DPYD: variants seen among roughly 807,000 people sequenced by gnomAD.
The protein encoded by DPYD is dihydropyrimidine dehydrogenase.
DPYD carries 109 observed loss-of-function variants against 116.2 expected under a neutral mutation model. That is an observed-to-expected ratio of 0.94 (90% CI 0.80 to 1.10). The LOEUF is 1.10. DPYD is among the 50% of genes least tolerant of loss of function. The pLI is 0.00. For missense variants in DPYD, 1,302 were observed against 1,254.5 expected (o/e 1.04, Z -0.57); for synonymous variants, 440 against 432.0 (o/e 1.02, Z -0.23).
chr1:97,185,346 G>C (rs1166148678), intron 20 of DPYD, among the ~76,000 whole-genome samples: 1 of 152,066 alleles, frequency 6.6e-6, no homozygotes, highest in African/African-American at 2.4e-5. Context: ...AAGGTGGCTG[G>C]AACATAGAAG....
intron 1 of DPYD, among the ~76,000 whole-genome samples, chr1:97,911,700 G>A (rs141953542): frequency 3.9e-5 from 6 of 152,180 alleles, no homozygotes; most frequent in Non-Finnish European, 8.8e-5. Context: ...TTGAGAATCT[G>A]GTCTGCCAGA....
chr1:97,818,446 A>T (rs1219957905), intron 3 of DPYD, among the ~76,000 whole-genome samples: 1 of 152,038 alleles, frequency 6.6e-6, no homozygotes, highest in Admixed American at 6.6e-5. Flanking sequence ...TCACCTTTGA[A>T]TTCTAATTCA....
intron 11 of DPYD, among the ~76,000 whole-genome samples, chr1:97,550,177 C>G (rs1339499331): frequency 6.6e-6 from 1 of 152,114 alleles, no homozygotes; most frequent in Non-Finnish European, 1.5e-5. Context: ...GAATTCAGGT[C>G]AATGGCTAAT....
At chr1:97,679,281 T>C (rs556089627) in intron 7 of DPYD, 99 bp from the exon 8 acceptor site, 80 of 635,260 alleles carry the variant, frequency 1.3e-4, no homozygotes, top group Non-Finnish European at 1.9e-4. Context: ...CCAAAAATTC[T>C]ATGAGATTCC....
intron 18 of DPYD, among the ~76,000 whole-genome samples, chr1:97,286,140 G>A (rs1396751374): frequency 6.6e-6 from 1 of 152,064 alleles, no homozygotes; most frequent in Non-Finnish European, 1.5e-5. Flanking sequence ...CTCAGCATTT[G>A]CTTGTCTGTA....
chr1:97,642,266 A>G (rs538117741), intron 8 of DPYD, among the ~76,000 whole-genome samples: 1 of 152,314 alleles, frequency 6.6e-6, no homozygotes, highest in South Asian at 2.1e-4. Flanking sequence ...GGAACTAAAA[A>G]AGAGTAAGTA....
At chr1:97,407,263 C>A (rs544866212) in intron 14 of DPYD, among the ~76,000 whole-genome samples, 1 of 152,148 alleles carries the variant, frequency 6.6e-6, no homozygotes, top group Non-Finnish European at 1.5e-5. Flanking sequence ...CAAAACCATA[C>A]ATTTAAGCAC....
At chr1:97,102,890 C>G (rs1366360580) in intron 20 of DPYD, among the ~76,000 whole-genome samples, 1 of 151,972 alleles carries the variant, frequency 6.6e-6, no homozygotes, top group Non-Finnish European at 1.5e-5. Flanking sequence ...ACTGTTTGAA[C>G]TCAATAAAAT....
chr1:97,186,740 T>C (rs1449221641), intron 20 of DPYD, among the ~76,000 whole-genome samples: 1 of 152,034 alleles, frequency 6.6e-6, no homozygotes, highest in Non-Finnish European at 1.5e-5. Context: ...TCCCAGCTAC[T>C]GGGGAGGCTC....
At chr1:97,313,424 AT>A (rs1263399711) in intron 16 of DPYD, among the ~76,000 whole-genome samples, 3 of 151,854 alleles carry the variant, frequency 2.0e-5, no homozygotes, top group Non-Finnish European at 4.4e-5. Flanking sequence ...GGGGAGACAA[AT>A]GCATACAACA....
chr1:97,402,734 T>C (rs1289320095), intron 14 of DPYD, among the ~76,000 whole-genome samples: 1 of 152,124 alleles, frequency 6.6e-6, no homozygotes, highest in Non-Finnish European at 1.5e-5. Context: ...AAATGTGATA[T>C]TAGCTGAAGG....
rs1557934619 is a variant in DPYD at position 97,752,865 on chromosome 1, T to A, written c.234-12386A>T. Among the ~76,000 whole-genome samples the A allele has an allele frequency of 2.0e-5, 3 of 152,190 alleles. No homozygotes were observed. In the South Asian group the frequency reaches 6.2e-4, roughly 32 times the overall value. ...ATTTCCTCCTCCAGTGAGAAAATGG[T>A]TGGGTTCCTCTGTCTTTGAGGTTAG... On this transcript the variant is annotated intron_variant, in intron 3 of 22. Transcript: ENST00000370192.
chr1:97,233,029 T>C (rs1485048244), intron 19 of DPYD, among the ~76,000 whole-genome samples: 1 of 152,198 alleles, frequency 6.6e-6, no homozygotes, highest in South Asian at 2.1e-4. Flanking sequence ...TTAAACTTTG[T>C]TTCTGCTAGC....
At chr1:97,566,437 G>A (rs1462665233) in intron 11 of DPYD, among the ~76,000 whole-genome samples, 1 of 152,064 alleles carries the variant, frequency 6.6e-6, no homozygotes, top group African/African-American at 2.4e-5. Flanking sequence ...TGTATCCAGT[G>A]TATTATACCG....
chr1:97,678,621 A>G (rs1045923445), intron 8 of DPYD, among the ~76,000 whole-genome samples: 1 of 152,210 alleles, frequency 6.6e-6, no homozygotes, highest in African/African-American at 2.4e-5. Context: ...TACACTGTCT[A>G]TGGGACTTTC....
At chr1:97,481,182 C>T (rs1019634771) in intron 13 of DPYD, among the ~76,000 whole-genome samples, 2 of 151,992 alleles carry the variant, frequency 1.3e-5, no homozygotes, top group Non-Finnish European at 2.9e-5. Context: ...TTTGAGAGGA[C>T]GCTCAACCTT....
chr1:97,399,668 C>T (rs1247098212), intron 14 of DPYD, among the ~76,000 whole-genome samples: 1 of 152,024 alleles, frequency 6.6e-6, no homozygotes, highest in African/African-American at 2.4e-5. Context: ...CTTCACATCC[C>T]TTGTAAGTTG....
chr1:97,734,792 T>A (rs1663830855), intron 4 of DPYD, among the ~76,000 whole-genome samples: 1 of 152,002 alleles, frequency 6.6e-6, no homozygotes, highest in Admixed American at 6.5e-5. Flanking sequence ...GCTTCTGTTT[T>A]AAGGGTCTCC....
At chr1:97,865,538 C>T (rs1671332446) in intron 2 of DPYD, among the ~76,000 whole-genome samples, 1 of 151,944 alleles carries the variant, frequency 6.6e-6, no homozygotes, top group South Asian at 2.1e-4. Context: ...AAGCCATCCT[C>T]CTTCACCCTC....
Sources: gnomAD v4.1 joint callset for allele counts (sites outside exome capture counted in the v4.1 genomes callset) on GRCh38, gnomAD v4.1.1 for gene constraint, MANE v1.5 for transcripts, NCBI Gene and HGNC (gene_info 2026-07-23, HGNC 2026-07-21) for gene names.